PIAS4: variants seen among roughly 807,000 people sequenced by gnomAD.
PIAS4 encodes the protein E3 SUMO-protein ligase PIAS4.
A neutral mutation model predicts 58.0 loss-of-function variants in PIAS4; 7 were observed. The ratio of observed to expected loss-of-function variants is 0.12; its 90% CI spans 0.07 to 0.23. PIAS4 has a LOEUF of 0.23. Among genes scored for constraint, PIAS4 ranks in the 10% least tolerant of loss-of-function variants. The probability of loss-of-function intolerance (pLI) is 1.00; values close to 1 mark genes in which losing one functional copy is unlikely to be tolerated. For synonymous variants in PIAS4, 364 were observed against 312.4 expected (o/e 1.17, Z -1.74); for missense variants, 550 against 709.5 (o/e 0.78, Z 2.55).
At chr19:4,016,699 C>G (rs1017503544) in intron 2 of PIAS4, among the ~76,000 whole-genome samples, 5 of 152,168 alleles carry the variant, frequency 3.3e-5, no homozygotes, top group Non-Finnish European at 7.3e-5. Context: ...TCTCAAGAAG[C>G]CAGGCAGAGA....
At chr19:4,025,600 A>G (rs2040155186) in intron 3 of PIAS4, among the ~76,000 whole-genome samples, 1 of 152,086 alleles carries the variant, frequency 6.6e-6, no homozygotes, top group Non-Finnish European at 1.5e-5. Context: ...CACACCTAGT[A>G]AGGGTTCAGA....
intron 4 of PIAS4, 72 bp downstream of exon 4, chr19:4,028,259 G>A (rs1013051237): frequency 1.4e-5 from 15 of 1,104,796 alleles, no homozygotes; most frequent in Non-Finnish European, 1.7e-5. Flanking sequence ...CCCCAGTCCT[G>A]GCCCAGGCCC....
chr19:4,021,709 G>C (rs2040111260), intron 2 of PIAS4, among the ~76,000 whole-genome samples: 1 of 148,750 alleles, frequency 6.7e-6, no homozygotes, highest in Non-Finnish European at 1.5e-5. Flanking sequence ...ATGTTTTATA[G>C]AATTCACCGA....
chr19:4,027,927 G>A (rs2040183280), intron 3 of PIAS4, among the ~76,000 whole-genome samples: 1 of 152,054 alleles, frequency 6.6e-6, no homozygotes, highest in South Asian at 2.1e-4. Flanking sequence ...GGGTTTTGCT[G>A]TGGATTCTGT....
At position 4,012,803 on chromosome 19, in the gene PIAS4, G is replaced by T. The variant is rs1405901819; in HGVS notation, c.28-120G>T. On this transcript the variant is annotated intron_variant, in intron 1 of 10. Coordinates refer to ENST00000262971, the MANE Select transcript of PIAS4 (RefSeq NM_015897.4). The stretch of plus-strand genomic sequence containing the variant: ...AGGGCACTCCACCAGCCCCAGCCAA[G>T]GCTGGCGCTTCCTGGCGAGTGGGTG... The T allele has an allele frequency of 1.6e-5, 18 of 1,149,004 alleles. No homozygotes were observed. In the East Asian group the frequency reaches 4.2e-4, roughly 27 times the overall value. The allele number at this position is 1,149,004 out of a possible 1,614,324, so 71.2% of individuals were successfully genotyped here. A position where few individuals can be genotyped will look rare whatever the true frequency, so the allele number is the denominator to read the frequency against.
At chr19:4,027,854 C>A (rs4517905) in intron 3 of PIAS4, among the ~76,000 whole-genome samples, 140,419 of 152,140 alleles carry the variant, frequency 0.92, 64,843 homozygotes, top group East Asian at 0.96. Context: ...GCTAGATTCC[C>A]GCATGCACGT....
At chr19:4,023,409 G>A (rs1172652630) in intron 2 of PIAS4, among the ~76,000 whole-genome samples, 2 of 152,190 alleles carry the variant, frequency 1.3e-5, no homozygotes, top group Non-Finnish European at 2.9e-5. Flanking sequence ...GCAGTCAGCC[G>A]AGATCGTGCC....
At position 4,019,760 on chromosome 19, in the gene PIAS4, T is replaced by C. The variant is rs529047609; in HGVS notation, c.455-4276T>C. On this transcript the variant is annotated intron_variant, in intron 2 of 10. Transcript: ENST00000262971. ...GCAGAGACTGGCTGTGCCCTGAGCATATAAACGGGAACCGGCTGTGGCAGC... is the reference window on the plus strand; with the variant it reads ...GCAGAGACTGGCTGTGCCCTGAGCACATAAACGGGAACCGGCTGTGGCAGC... 2.0e-5 allele frequency among the ~76,000 whole-genome samples: 3 copies of C among 152,156 alleles called. No individual in the cohort carries two copies. The East Asian group carries it at 5.8e-4, about 30-fold the overall frequency.
chr19:4,027,113 A>G (rs925639342), intron 3 of PIAS4, among the ~76,000 whole-genome samples: 1 of 152,052 alleles, frequency 6.6e-6, no homozygotes, highest in South Asian at 2.1e-4. Flanking sequence ...CGGCCTCCCA[A>G]AGTGCTGGGA....
Position 4,037,308 on chromosome 19 carries a change from G to C in PIAS4, c.1143-66G>C. 1.5e-5 allele frequency: 23 copies of C among 1,543,500 alleles called. No homozygotes were observed. Among genetic ancestry groups the C allele is most frequent in the Non-Finnish European group, 1.9e-5 (22 of 1,143,424 alleles). ...TGCCTGGCTGCATCCGGGAGGGATG[G>C]AGGGCTGGGGAGTTGGGGGGGTGGG... On this transcript the variant is annotated intron_variant, in intron 9 of 10. Transcript: ENST00000262971. The surrounding 1 kb of genome is among the most constrained non-coding windows in gnomAD (Gnocchi z 5.8).
At chr19:4,014,562 C>T (rs2040032324) in intron 2 of PIAS4, among the ~76,000 whole-genome samples, 2 of 152,306 alleles carry the variant, frequency 1.3e-5, no homozygotes, top group Admixed American at 1.3e-4. Flanking sequence ...CCCTCCCCTG[C>T]CCCCACTCTT....
intron 4 of PIAS4, 125 bp downstream of exon 4, chr19:4,028,312 C>G: frequency 1.1e-6 from 1 of 889,140 alleles, no homozygotes; most frequent in East Asian, 2.6e-5. Context: ...GCTCTCCTCA[C>G]CTGCTGTCTA....
In PIAS4 at chr19:4,024,033, C is replaced by T. The variant is rs2040137945; in HGVS notation, c.455-3C>T. 1.9e-6 allele frequency: 3 copies of T among 1,610,958 alleles called. No individual in the cohort carries two copies. The highest frequency in any genetic ancestry group is 2.5e-6 in the Non-Finnish European group (3 of 1,177,044). ...ATGCCCCTGACCCCGTGTTTGTCTT[C>T]AGTCCCACAGAACAACGAGAAGCTT... On this transcript the variant is annotated splice_polypyrimidine_tract_variant and splice_region_variant and intron_variant, in intron 2 of 10. Coordinates refer to ENST00000262971, the MANE Select transcript of PIAS4 (RefSeq NM_015897.4).
chr19:4,015,738 CG>C (rs2040046038), intron 2 of PIAS4, among the ~76,000 whole-genome samples: 1 of 152,210 alleles, frequency 6.6e-6, no homozygotes, highest in Non-Finnish European at 1.5e-5. Flanking sequence ...CCAGTTCCAC[CG>C]GCTTCTCCCT....
At position 4,024,144 on chromosome 19, in the gene PIAS4, A is replaced by C. The variant is rs746977735; in HGVS notation, c.539+24A>C. 2.5e-6 allele frequency: 4 copies of C among 1,571,844 alleles called. No homozygotes were observed. The South Asian group carries it at 3.3e-5, about 13-fold the overall frequency. On this transcript the variant is annotated intron_variant, in intron 3 of 10. Transcript: ENST00000262971. ...AGGTGTGCGGCACCTCCCCCAGCCC[A>C]GCACCCCACCGCCCGCCCACCCACT...
chr19:4,028,085 G>A (rs1268549847), intron 3 of PIAS4, 61 bp from the exon 4 acceptor site: 89 of 1,531,080 alleles, frequency 5.8e-5, no homozygotes, highest in Middle Eastern at 3.4e-4. Context: ...GGGTGGGCTG[G>A]GGTCACGCCC....
intron 7 of PIAS4, among the ~76,000 whole-genome samples, chr19:4,031,862 G>A (rs751254186): frequency 8.5e-5 from 13 of 152,218 alleles, no homozygotes; most frequent in Non-Finnish European, 1.5e-4. Context: ...TTTAAAATCA[G>A]ATGGGCACCT....
intron 3 of PIAS4, among the ~76,000 whole-genome samples, chr19:4,025,379 C>G (rs560433329): frequency 1.3e-5 from 2 of 152,362 alleles, no homozygotes; most frequent in African/African-American, 4.8e-5. Flanking sequence ...TGTACTGCCT[C>G]CAGCTGAGAC....
At chr19:4,033,311 G>A (rs2040241326) in intron 8 of PIAS4, 109 bp from the exon 9 acceptor site, 1 of 1,327,498 alleles carries the variant, frequency 7.5e-7, no homozygotes, top group Admixed American at 2.1e-5. Flanking sequence ...CCGTGTTCCT[G>A]AGGCATGAGT....
Sources: allele counts gnomAD v4.1 joint callset (sites outside exome capture counted in the v4.1 genomes callset), GRCh38; gene constraint gnomAD v4.1.1; non-coding constraint Gnocchi (gnomAD v3.1); transcripts MANE v1.5; gene names NCBI Gene and HGNC (gene_info 2026-07-23, HGNC 2026-07-21).